Variants in DAB1 observed in about 807,000 individuals in gnomAD.
The protein encoded by DAB1 is DAB adaptor protein 1.
In DAB1, 15 loss-of-function variants were observed where a neutral mutation model predicts 64.6. The observed-to-expected ratio is 0.23, with a 90% CI of 0.16 to 0.36. The LOEUF is 0.36. Ranked by LOEUF, DAB1 falls within the 10% of genes least tolerant of loss-of-function variation. The pLI, the probability that DAB1 is intolerant of heterozygous loss-of-function variation, is 1.00. For synonymous variants in DAB1, 235 were observed against 251.9 expected, an observed-to-expected ratio of 0.93 and a Z score of 0.64; for missense variants, 596 against 706.7, an observed-to-expected ratio of 0.84 and a Z score of 1.78.
chr1:58,350,892 A>G (rs1256031832), intron 3 of DAB1, among the ~76,000 whole-genome samples: 1 of 152,180 alleles, frequency 6.6e-6, no homozygotes, highest in African/African-American at 2.4e-5. Flanking sequence ...AGGTAGCATG[A>G]TGCCTCCAGC....
At chr1:57,654,066 T>C (rs1646287637) in intron 6 of DAB1, among the ~76,000 whole-genome samples, 1 of 152,242 alleles carries the variant, frequency 6.6e-6, no homozygotes, top group Non-Finnish European at 1.5e-5. Flanking sequence ...TGTATTTCTC[T>C]ACATGCTAAA....
intron 5 of DAB1, among the ~76,000 whole-genome samples, chr1:57,990,756 G>T (rs891113775): frequency 2.0e-5 from 3 of 152,178 alleles, no homozygotes; most frequent in African/African-American, 7.2e-5. Flanking sequence ...AGGCCCGGGG[G>T]AGGGGCCCAG....
At chr1:57,566,836 C>T (rs1021872561) in intron 7 of DAB1, among the ~76,000 whole-genome samples, 13 of 152,198 alleles carry the variant, frequency 8.5e-5, no homozygotes, top group Non-Finnish European at 7.3e-5. Context: ...CAGCCGAATT[C>T]TACCAGAGGT....
intron 2 of DAB1, among the ~76,000 whole-genome samples, chr1:57,235,014 C>G (rs968954584): frequency 1.3e-5 from 2 of 152,218 alleles, no homozygotes; most frequent in African/African-American, 4.8e-5. Context: ...TTAAGACCAC[C>G]TGGATAGTCT....
chr1:58,012,936 G>A (rs898905080), intron 5 of DAB1, among the ~76,000 whole-genome samples: 2 of 152,278 alleles, frequency 1.3e-5, no homozygotes, highest in African/African-American at 4.8e-5. Flanking sequence ...TTGCAGAGGT[G>A]TATATCATCA....
At chr1:58,442,278 G>A (rs547581468) in intron 3 of DAB1, among the ~76,000 whole-genome samples, 6 of 152,298 alleles carry the variant, frequency 3.9e-5, no homozygotes, top group Non-Finnish European at 5.9e-5. Context: ...ACCCCTGAAT[G>A]GACCTGGAGG....
chr1:57,389,016 T>A (rs1328259170), intron 1 of DAB1, among the ~76,000 whole-genome samples: 2 of 152,210 alleles, frequency 1.3e-5, no homozygotes, highest in Non-Finnish European at 1.5e-5. Context: ...TTCAAAGATA[T>A]TCTCTTTCAC....
At chr1:57,758,446 G>A (rs1250539853) in intron 6 of DAB1, among the ~76,000 whole-genome samples, 1 of 152,180 alleles carries the variant, frequency 6.6e-6, no homozygotes, top group Non-Finnish European at 1.5e-5. Flanking sequence ...TCTCCTGCAG[G>A]GGCAACAGCA....
chr1:57,986,217 C>T (rs1412332745), intron 5 of DAB1, among the ~76,000 whole-genome samples: 1 of 152,110 alleles, frequency 6.6e-6, no homozygotes, highest in Admixed American at 6.5e-5. Context: ...GTTTGCGTGC[C>T]TGCAAAATTC....
At chr1:57,180,870 AAGTAAC>A (rs1442442885) in intron 2 of DAB1, among the ~76,000 whole-genome samples, 2 of 152,178 alleles carry the variant, frequency 1.3e-5, no homozygotes, top group East Asian at 3.8e-4. Flanking sequence ...CCTGTAGAAG[AAGTAAC>A]CTTTCTTTTG....
At chr1:57,275,195 C>T (rs904671965) in intron 2 of DAB1, among the ~76,000 whole-genome samples, 28 of 152,114 alleles carry the variant, frequency 1.8e-4, no homozygotes, top group South Asian at 1.7e-3. Context: ...ATGATGGATG[C>T]CAAGGACAGA....
At chr1:58,540,499 G>C (rs1646589456) in intron 1 of DAB1, among the ~76,000 whole-genome samples, 1 of 151,572 alleles carries the variant, frequency 6.6e-6, no homozygotes, top group South Asian at 2.1e-4. Context: ...ACATGTTTAA[G>C]AAGCTAAAGG....
chr1:57,075,730 A>C (rs1651926152), intron 4 of DAB1, among the ~76,000 whole-genome samples: 1 of 152,194 alleles, frequency 6.6e-6, no homozygotes, highest in African/African-American at 2.4e-5. Flanking sequence ...TCATGAAGGG[A>C]CTGAAGGTCA....
At chr1:57,576,905 C>G (rs1022396149) in intron 7 of DAB1, among the ~76,000 whole-genome samples, 4 of 152,310 alleles carry the variant, frequency 2.6e-5, no homozygotes, top group East Asian at 1.9e-4. Flanking sequence ...CTTACAGGCT[C>G]TCTTCCCCAC....
In DAB1 at chr1:58,432,201, T is replaced by C. The variant is rs193112247; in HGVS notation, n.257+73859A>G. 1.6e-4 allele frequency among the ~76,000 whole-genome samples: 25 copies of C among 152,332 alleles called. No individual in the cohort carries two copies. The East Asian group carries it at 4.6e-3, about 28-fold the overall frequency. ...TGCTTTCTTGGCACCCTACAGCTCT[T>C]GGTGTGAATCTCTCTTTCTTAGGGA... is the stretch of plus-strand genomic sequence containing the variant. On this transcript the variant is annotated intron_variant and non_coding_transcript_variant, in intron 3 of 20. Transcript: ENST00000485760.
chr1:57,611,648 T>C (rs1046519839), intron 7 of DAB1, among the ~76,000 whole-genome samples: 5 of 152,156 alleles, frequency 3.3e-5, no homozygotes, highest in Non-Finnish European at 4.4e-5. Context: ...CAAGTTAACC[T>C]TTCCTGGTGT....
At chr1:58,498,943 A>C (rs1191357286) in intron 3 of DAB1, among the ~76,000 whole-genome samples, 6 of 152,226 alleles carry the variant, frequency 3.9e-5, no homozygotes, top group Non-Finnish European at 8.8e-5. Context: ...AAAATTAAAA[A>C]TTAAGGCCAC....
At chr1:58,189,299 A>G (rs1379646250) in intron 4 of DAB1, among the ~76,000 whole-genome samples, 1 of 152,214 alleles carries the variant, frequency 6.6e-6, no homozygotes, top group Admixed American at 6.5e-5. Context: ...CCAGATTTGT[A>G]GTCTGGGTGT....
chr1:57,241,309 A>G (rs1358618833), intron 2 of DAB1, among the ~76,000 whole-genome samples: 1 of 152,232 alleles, frequency 6.6e-6, no homozygotes, highest in Non-Finnish European at 1.5e-5. Flanking sequence ...GAACAGAGAT[A>G]AAACTGAGAA....
Sources: gnomAD v4.1 joint callset for allele counts (sites outside exome capture counted in the v4.1 genomes callset) on GRCh38, gnomAD v4.1.1 for gene constraint, MANE v1.5 for transcripts, NCBI Gene and HGNC (gene_info 2026-07-23, HGNC 2026-07-21) for gene names.